The following IQCM variants were observed in gnomAD, a reference collection of about 807,000 sequenced individuals.
IQCM encodes IQ domain-containing protein M.
Under a neutral mutation model 57.6 loss-of-function variants are expected in IQCM, and 45 were observed. The observed-to-expected ratio is 0.78, with a 90% CI of 0.62 to 1.00. IQCM has a LOEUF of 1.00. Ranked by LOEUF, IQCM falls within the 50% of genes least tolerant of loss-of-function variation. The pLI, the probability that IQCM is intolerant of heterozygous loss-of-function variation, is 0.00. For missense variants in IQCM, 468 were observed against 511.6 expected (o/e 0.91, Z 0.82); for synonymous variants, 148 against 158.9 (o/e 0.93, Z 0.51).
chr4:149,554,194 T>C (rs1037447167), intron 10 of IQCM, among the ~76,000 whole-genome samples: 1 of 152,330 alleles, frequency 6.6e-6, no homozygotes, highest in East Asian at 1.9e-4. Context: ...TACCGTATTA[T>C]AAATGAAAAC....
At chr4:149,561,935 T>G (rs954391172) in intron 10 of IQCM, among the ~76,000 whole-genome samples, 8 of 152,046 alleles carry the variant, frequency 5.3e-5, no homozygotes, top group African/African-American at 1.7e-4. Flanking sequence ...AGGAAGATCT[T>G]GAAAGATGAA....
At chr4:149,503,417 G>C (rs972261682) in intron 12 of IQCM, among the ~76,000 whole-genome samples, 1 of 152,124 alleles carries the variant, frequency 6.6e-6, no homozygotes, top group African/African-American at 2.4e-5. Flanking sequence ...TCATCATCCA[G>C]ATTAAAGACA....
At chr4:149,494,944 A>C (rs1005759577) in intron 12 of IQCM, among the ~76,000 whole-genome samples, 1 of 152,066 alleles carries the variant, frequency 6.6e-6, no homozygotes, top group Non-Finnish European at 1.5e-5. Context: ...CCAAGAAACC[A>C]CTCATGGTCT....
intron 5 of IQCM, among the ~76,000 whole-genome samples, chr4:149,714,552 T>C (rs138583706): frequency 4.6e-5 from 7 of 152,284 alleles, no homozygotes; most frequent in Admixed American, 6.5e-5. Context: ...GGTGGATACA[T>C]TGAAGACCCC....
intron 7 of IQCM, among the ~76,000 whole-genome samples, chr4:149,658,630 T>C (rs540906742): frequency 1.3e-5 from 2 of 152,246 alleles, no homozygotes; most frequent in South Asian, 4.1e-4. Flanking sequence ...ATCTTTCCAT[T>C]TATTTGTGCC....
chr4:149,641,282 T>A (rs1163451271), intron 7 of IQCM, among the ~76,000 whole-genome samples: 1 of 152,194 alleles, frequency 6.6e-6, no homozygotes. Flanking sequence ...ATCTATTTAT[T>A]AATTCTGATT....
chr4:149,718,686 C>T (rs1007814432), intron 5 of IQCM, among the ~76,000 whole-genome samples: 3 of 152,186 alleles, frequency 2.0e-5, no homozygotes, highest in Admixed American at 2.0e-4. Context: ...GGGCTGCTCT[C>T]CTTCATAGCC....
chr4:149,368,800 ATATACATG>A (rs1560778888), intron 13 of IQCM, among the ~76,000 whole-genome samples: 1 of 122,228 alleles, frequency 8.2e-6, no homozygotes, highest in Non-Finnish European at 1.7e-5. Flanking sequence ...ATATACATAT[ATATACATG>A]TATATATATA....
At chr4:149,692,880 G>A (rs1030157578) in intron 5 of IQCM, among the ~76,000 whole-genome samples, 11 of 152,054 alleles carry the variant, frequency 7.2e-5, no homozygotes, top group Non-Finnish European at 1.3e-4. Context: ...CATTCAAAGA[G>A]AGACCAAAAG....
intron 13 of IQCM, among the ~76,000 whole-genome samples, chr4:149,382,333 C>G (rs1437587474): frequency 6.6e-6 from 1 of 152,104 alleles, no homozygotes; most frequent in Non-Finnish European, 1.5e-5. Flanking sequence ...TGCCCTATTT[C>G]AGTGGAATAT....
At chr4:149,790,323 C>A (rs757966443) in intron 2 of IQCM, 9 of 214,936 alleles carry the variant, frequency 4.2e-5, no homozygotes, top group Non-Finnish European at 4.1e-5. Flanking sequence ...TCTGCATTTG[C>A]GAGCTGCCTT....
At chr4:149,568,011 A>G (rs917609883) in intron 9 of IQCM, among the ~76,000 whole-genome samples, 1 of 152,116 alleles carries the variant, frequency 6.6e-6, no homozygotes, top group African/African-American at 2.4e-5. Context: ...TGCTTTGCCT[A>G]CACCATGAAA....
chr4:149,764,637 T>C (rs1561248498), intron 2 of IQCM, among the ~76,000 whole-genome samples: 3 of 152,144 alleles, frequency 2.0e-5, no homozygotes, highest in Admixed American at 6.6e-5. Flanking sequence ...TCCTTTTAAT[T>C]TGCCTTTTGT....
At chr4:149,447,503 GA>G (rs563909442) in intron 12 of IQCM, among the ~76,000 whole-genome samples, 13 of 151,638 alleles carry the variant, frequency 8.6e-5, no homozygotes, top group African/African-American at 2.9e-4. Context: ...AATCTGAGAT[GA>G]AAAACACAGT....
intron 12 of IQCM, among the ~76,000 whole-genome samples, chr4:149,463,305 G>A (rs774200577): frequency 3.9e-5 from 6 of 152,132 alleles, no homozygotes; most frequent in African/African-American, 1.4e-4. Flanking sequence ...GGTTTTGGAA[G>A]GAAACAGAAG....
chr4:149,545,676 C>T (rs534824248), intron 12 of IQCM, among the ~76,000 whole-genome samples: 1 of 152,220 alleles, frequency 6.6e-6, no homozygotes, highest in Admixed American at 6.5e-5. Flanking sequence ...ATCCAACAAT[C>T]CTACTACTGG....
chr4:149,752,525 C>G (rs1404133302), intron 2 of IQCM, among the ~76,000 whole-genome samples: 1 of 147,974 alleles, frequency 6.8e-6, no homozygotes, highest in Non-Finnish European at 1.5e-5. Flanking sequence ...GCACTCCAGC[C>G]TGGTAACAGA....
chr4:149,410,917 T>C (rs1460309984), intron 13 of IQCM, among the ~76,000 whole-genome samples: 2 of 152,168 alleles, frequency 1.3e-5, no homozygotes, highest in East Asian at 3.9e-4. Context: ...TGGATATGTA[T>C]AATATTGTGG....
At chr4:149,705,790 CT>C (rs1185545995) in intron 5 of IQCM, among the ~76,000 whole-genome samples, 1 of 151,828 alleles carries the variant, frequency 6.6e-6, no homozygotes, top group Non-Finnish European at 1.5e-5. Flanking sequence ...AGAGTTAAGG[CT>C]TTCAGTCACC....
Sources: allele counts gnomAD v4.1 joint callset (sites outside exome capture counted in the v4.1 genomes callset), GRCh38; gene constraint gnomAD v4.1.1; transcripts MANE v1.5; gene names NCBI Gene and HGNC (gene_info 2026-07-23, HGNC 2026-07-21).